DENND1B: variants seen among roughly 807,000 people sequenced by gnomAD.
DENND1B encodes DENN domain-containing protein 1B.
DENND1B carries 59 observed loss-of-function variants against 90.1 expected under a neutral mutation model. The observed-to-expected ratio is 0.65, with a 90% CI of 0.53 to 0.81. The LOEUF (loss-of-function observed/expected upper bound fraction) is 0.81. Among genes scored for constraint, DENND1B ranks in the 40% least tolerant of loss-of-function variants. The pLI is 0.00. For synonymous variants in DENND1B, 337 were observed against 324.6 expected (o/e 1.04, Z -0.41); for missense variants, 862 against 912.6 (o/e 0.94, Z 0.71).
chr1:197,647,159 G>T, intron 7 of DENND1B, 45 bp from the exon 8 acceptor site: 1 of 1,325,550 alleles, frequency 7.5e-7, no homozygotes, highest in Non-Finnish European at 9.9e-7. Flanking sequence ...ACTTTCATGG[G>T]AGAAGCTTAC....
At chr1:197,671,517 AAAGG>A (rs1334974253) in intron 5 of DENND1B, among the ~76,000 whole-genome samples, 3 of 152,184 alleles carry the variant, frequency 2.0e-5, no homozygotes, top group Non-Finnish European at 4.4e-5. Context: ...TCACTTTTCA[AAAGG>A]AATTCGAAAT....
intron 12 of DENND1B, among the ~76,000 whole-genome samples, chr1:197,607,408 T>G (rs1470195580): frequency 6.6e-6 from 1 of 150,900 alleles, no homozygotes; most frequent in African/African-American, 2.4e-5. Flanking sequence ...CATCTTATAT[T>G]AAACATAACT....
At chr1:197,548,370 T>C (rs1670971319) in intron 16 of DENND1B, among the ~76,000 whole-genome samples, 1 of 152,132 alleles carries the variant, frequency 6.6e-6, no homozygotes, top group Non-Finnish European at 1.5e-5. Context: ...AAGGATGTGA[T>C]TTGGGATGAG....
chr1:197,625,731 A>G (rs1678635119), intron 10 of DENND1B, among the ~76,000 whole-genome samples: 1 of 152,232 alleles, frequency 6.6e-6, no homozygotes, highest in South Asian at 2.1e-4. Context: ...AATTGGATAA[A>G]GAGTCAAGAC....
intron 2 of DENND1B, among the ~76,000 whole-genome samples, chr1:197,743,475 TC>T (rs1337040971): frequency 2.9e-4 from 44 of 152,210 alleles, no homozygotes; most frequent in African/African-American, 1.0e-3. Context: ...CAAGTTGTAA[TC>T]TTTTTTTTGG....
Position 197,714,667 on chromosome 1 carries a change from T to C in DENND1B, c.126+364A>G, listed in dbSNP as rs79442773. On this transcript the variant is annotated intron_variant, in intron 3 of 22. Transcript: ENST00000620048. Reference sequence around the variant, plus strand: ...TATGGCAGTAACGCTTACTTCTAAGTACACAGAAAGAATAAGAGTATATTT... The same window carrying C: ...TATGGCAGTAACGCTTACTTCTAAGCACACAGAAAGAATAAGAGTATATTT... Among the ~76,000 whole-genome samples, 773 of 152,270 alleles carry C rather than the reference T, an allele frequency of 5.1e-3. 7 individuals are homozygous for C. The highest frequency in any genetic ancestry group is 0.017 in the African/African-American group (717 of 41,574).
chr1:197,560,756 C>T (rs1672096530), intron 15 of DENND1B, among the ~76,000 whole-genome samples: 1 of 151,854 alleles, frequency 6.6e-6, no homozygotes, highest in South Asian at 2.1e-4. Context: ...CCAAGCAATT[C>T]TATTTTACTT....
At chr1:197,685,115 C>T (rs566222501) in intron 3 of DENND1B, among the ~76,000 whole-genome samples, 2 of 152,098 alleles carry the variant, frequency 1.3e-5, no homozygotes, top group South Asian at 4.2e-4. Flanking sequence ...GAGACTCCAT[C>T]TCAAAAAACA....
rs552782637 is a variant in DENND1B, at chr1:197,580,228, A to C, written c.1149+2924T>G. Among the ~76,000 whole-genome samples, 7 of 141,460 alleles carry C rather than the reference A, an allele frequency of 4.9e-5. No homozygotes were observed. The East Asian group carries it at 1.2e-3, about 25-fold the overall frequency. 92.8% of individuals were successfully genotyped at this position (141,460 alleles called of 152,430 possible). On this transcript the variant is annotated intron_variant, in intron 15 of 22. Transcript: ENST00000620048. Reference sequence around the variant, plus strand: ...TGCTTCAGCCTCCCAAGTAGCTGGGATTACATGCACCTGCCACCACGCCCA... The same window carrying C: ...TGCTTCAGCCTCCCAAGTAGCTGGGCTTACATGCACCTGCCACCACGCCCA...
At chr1:197,579,323 T>C (rs1320485526) in intron 15 of DENND1B, among the ~76,000 whole-genome samples, 1 of 152,194 alleles carries the variant, frequency 6.6e-6, no homozygotes, top group African/African-American at 2.4e-5. Flanking sequence ...CTATGTATTT[T>C]TTCTCAACAC....
chr1:197,741,040 T>G (rs561720576), intron 2 of DENND1B, among the ~76,000 whole-genome samples: 20 of 152,310 alleles, frequency 1.3e-4, no homozygotes, highest in Middle Eastern at 6.8e-3. Context: ...GCTTTTCATA[T>G]GAAGACTATA....
chr1:197,743,852 T>G (rs1663446743), intron 2 of DENND1B, among the ~76,000 whole-genome samples: 1 of 152,128 alleles, frequency 6.6e-6, no homozygotes, highest in African/African-American at 2.4e-5. Flanking sequence ...CTCAAACCCT[T>G]CCCTGCTTTA....
At chr1:197,723,867 T>C (rs960980237) in intron 2 of DENND1B, among the ~76,000 whole-genome samples, 10 of 152,090 alleles carry the variant, frequency 6.6e-5, no homozygotes, top group African/African-American at 1.9e-4. Context: ...AGAAGACATA[T>C]ATTTTTATTC....
At chr1:197,638,099 G>A (rs866320672) in intron 10 of DENND1B, among the ~76,000 whole-genome samples, 18 of 152,152 alleles carry the variant, frequency 1.2e-4, no homozygotes, top group African/African-American at 4.1e-4. Context: ...TCCAGAGATC[G>A]AAAGATTTCT....
intron 3 of DENND1B, among the ~76,000 whole-genome samples, chr1:197,691,350 T>C (rs979503996): frequency 1.3e-5 from 2 of 151,710 alleles, no homozygotes; most frequent in South Asian, 2.1e-4. Flanking sequence ...CTAAGAGTTA[T>C]ATGAAAACAT....
chr1:197,643,391 A>G (rs1056988307), intron 9 of DENND1B, among the ~76,000 whole-genome samples: 2 of 152,088 alleles, frequency 1.3e-5, no homozygotes, highest in African/African-American at 4.8e-5. Context: ...TCCTGACCTC[A>G]GATGATCTGC....
chr1:197,715,940 A>C (rs1226461819), intron 2 of DENND1B, among the ~76,000 whole-genome samples: 1 of 150,988 alleles, frequency 6.6e-6, no homozygotes, highest in Non-Finnish European at 1.5e-5. Flanking sequence ...CTTCTGGGCA[A>C]AAAAAAAACA....
chr1:197,758,293 G>A (rs1195558565), intron 2 of DENND1B, among the ~76,000 whole-genome samples: 6 of 152,146 alleles, frequency 3.9e-5, no homozygotes, highest in Non-Finnish European at 2.9e-5. Flanking sequence ...TTAAAGAGGG[G>A]ACTTGGAAGT....
chr1:197,518,370 T>C (rs1365692532), intron 20 of DENND1B, among the ~76,000 whole-genome samples: 2 of 151,920 alleles, frequency 1.3e-5, no homozygotes, highest in Non-Finnish European at 2.9e-5. Context: ...AAAGAGGTTG[T>C]TGTATTTATG....
Sources: allele counts gnomAD v4.1 joint callset (sites outside exome capture counted in the v4.1 genomes callset), GRCh38; gene constraint gnomAD v4.1.1; transcripts MANE v1.5; gene names NCBI Gene and HGNC (gene_info 2026-07-23, HGNC 2026-07-21).